GRAMD1B: variants seen among roughly 807,000 people sequenced by gnomAD.
The protein encoded by GRAMD1B is GRAM domain containing 1B, also known as protein Aster-B.
Under a neutral mutation model 99.7 loss-of-function variants are expected in GRAMD1B, and 37 were observed. The observed-to-expected ratio is 0.37, with a 90% CI of 0.29 to 0.49. The LOEUF (loss-of-function observed/expected upper bound fraction) is 0.49. GRAMD1B is among the 20% of genes least tolerant of loss of function. The probability of loss-of-function intolerance (pLI) is 0.98; values close to 1 mark genes in which losing one functional copy is unlikely to be tolerated. For missense variants in GRAMD1B, 888 were observed against 1,009.2 expected (o/e 0.88, Z 1.63); for synonymous variants, 427 against 387.6 (o/e 1.10, Z -1.19).
chr11:123,548,325 TACACACACACACACACACAC>T (rs138083511), intron 2 of GRAMD1B, among the ~76,000 whole-genome samples: 10 of 86,894 alleles, frequency 1.2e-4, no homozygotes, highest in Non-Finnish European at 1.9e-4. Context: ...TATATATATA[TACACACACACACACACACAC>T]ACACATATAT....
rs368408422 is a variant in GRAMD1B, at chr11:123,461,931, GT to G, written c.375-18873del. On this transcript the variant is annotated intron_variant, in intron 1 of 19. Coordinates refer to ENST00000635736, the MANE Select transcript of GRAMD1B (RefSeq NM_001387025.1). ...AAGATAGCTCTACTTTCAAGTGCAG[GT>G]TTTTTTTTTTTCTGGTATGGTCATT... is the stretch of plus-strand genomic sequence containing the variant. Among the ~76,000 whole-genome samples, 510 of 135,822 alleles carry G rather than the reference GT, an allele frequency of 3.8e-3. 2 individuals carry two copies. Among genetic ancestry groups the G allele is most frequent in the Middle Eastern group, 0.026 (6 of 232 alleles). 89.1% of individuals were successfully genotyped at this position (135,822 alleles called of 152,430 possible).
At chr11:123,583,594 C>G (rs560355421) in intron 3 of GRAMD1B, among the ~76,000 whole-genome samples, 5 of 152,272 alleles carry the variant, frequency 3.3e-5, no homozygotes, top group Admixed American at 3.3e-4. Context: ...CCTCCTGTTC[C>G]CCTGAGACAC....
At chr11:123,463,860 C>G (rs1950545843) in intron 1 of GRAMD1B, among the ~76,000 whole-genome samples, 1 of 152,202 alleles carries the variant, frequency 6.6e-6, no homozygotes, top group South Asian at 2.1e-4. Context: ...GAAAGGAAAA[C>G]TGTGTAAAGG....
Position 123,492,895 on chromosome 11 carries a change from C to CACACACACAT in GRAMD1B, c.452+12002_452+12003insACACACACAT, listed in dbSNP as rs1555043308. Among the ~76,000 whole-genome samples the CACACACACAT allele has an allele frequency of 1.2e-3, 183 of 151,710 alleles. No homozygotes were observed. Among genetic ancestry groups the CACACACACAT allele is most frequent in the Middle Eastern group, 3.4e-3 (1 of 294 alleles). On this transcript the variant is annotated intron_variant, in intron 2 of 19. Transcript: ENST00000635736. This position sits in a 1 kb window ranked among gnomAD's most constrained non-coding sequence, Gnocchi z 4.2. The stretch of plus-strand genomic sequence containing the variant: ...ACACACACACACACACACACACACA[C>CACACACACAT]GCATAGGCATAGATGCCTGTGATTG...
intron 1 of GRAMD1B, among the ~76,000 whole-genome samples, chr11:123,436,756 AT>A (rs908404105): frequency 1.4e-4 from 22 of 151,876 alleles, no homozygotes; most frequent in African/African-American, 2.2e-4. Context: ...AGACGGCACA[AT>A]TTTTTTTTAT....
chr11:123,531,914 T>C (rs1023437015), intron 2 of GRAMD1B, among the ~76,000 whole-genome samples: 2 of 152,080 alleles, frequency 1.3e-5, no homozygotes, highest in Non-Finnish European at 2.9e-5. Flanking sequence ...TTTGTATTTT[T>C]TTAGTAGAGA....
intron 1 of GRAMD1B, among the ~76,000 whole-genome samples, chr11:123,444,180 CA>C (rs752537999): frequency 6.6e-6 from 1 of 152,128 alleles, no homozygotes; most frequent in Non-Finnish European, 1.5e-5. Flanking sequence ...ATTTTCCCCA[CA>C]AAAGATGGCT....
In GRAMD1B at chr11:123,539,627, A is replaced by G. The variant is rs557729899; in HGVS notation, c.453-37740A>G. On this transcript the variant is annotated intron_variant, in intron 2 of 19. Coordinates refer to ENST00000635736, the MANE Select transcript of GRAMD1B (RefSeq NM_001387025.1). The stretch of plus-strand genomic sequence containing the variant: ...AAACAAACAAACAAACAAAACCCAA[A>G]CCCTGAATTTGATTCCCATTACTTA... 5.3e-5 allele frequency among the ~76,000 whole-genome samples: 8 copies of G among 152,072 alleles called. No homozygotes were observed. In the South Asian group the frequency reaches 1.5e-3, roughly 28 times the overall value.
At position 123,608,806 on chromosome 11, in the gene GRAMD1B, C is replaced by A. The variant is rs2306971; in HGVS notation, c.1657+4C>A. The A allele has an allele frequency of 6.5e-7, 1 of 1,533,888 alleles. No individual in the cohort carries two copies. Among genetic ancestry groups the A allele is most frequent in the Non-Finnish European group, 8.8e-7 (1 of 1,133,474 alleles). On this transcript the variant is annotated splice_donor_region_variant and intron_variant, in intron 12 of 19. Transcript: ENST00000635736. The stretch of plus-strand genomic sequence containing the variant: ...ATGGAGCAGCGGCGCTTCTCTGGTC[C>A]GTTCTGCTGGGACTGTACCCCCCAT...
intron 2 of GRAMD1B, among the ~76,000 whole-genome samples, chr11:123,483,497 C>T (rs1951726532): frequency 6.6e-6 from 1 of 151,392 alleles, no homozygotes; most frequent in African/African-American, 2.4e-5. Flanking sequence ...AGTGATTTTC[C>T]CACCTTAGCC....
intron 1 of GRAMD1B, among the ~76,000 whole-genome samples, chr11:123,363,701 G>A (rs1450892920): frequency 6.6e-6 from 1 of 152,152 alleles, no homozygotes; most frequent in Non-Finnish European, 1.5e-5. Context: ...GCCCTGAGTG[G>A]AAGCCTTGCT....
chr11:123,409,641 A>G (rs1947972741), intron 1 of GRAMD1B, among the ~76,000 whole-genome samples: 1 of 152,150 alleles, frequency 6.6e-6, no homozygotes, highest in South Asian at 2.1e-4. Context: ...AGCACAGCCT[A>G]ATTACCTGTA....
At chr11:123,388,129 CA>C (rs34085785) in intron 1 of GRAMD1B, among the ~76,000 whole-genome samples, 13,530 of 71,394 alleles carry the variant, frequency 0.19, 648 homozygotes, top group African/African-American at 0.33. Flanking sequence ...TCCTCCTCCT[CA>C]AAAAAAAAAA....
chr11:123,444,973 A>G lies in GRAMD1B; in HGVS notation c.374+13807A>G, dbSNP rs569909694. On this transcript the variant is annotated intron_variant, in intron 1 of 19. Transcript: ENST00000635736. ...CTGTATCCTAAGTCATTTTCTTAGC[A>G]TAAACTCAGGTATTATCTATGGGGC... Among the ~76,000 whole-genome samples, 20 of 152,298 alleles carry G rather than the reference A, an allele frequency of 1.3e-4. 1 individual carries two copies. In the South Asian group the frequency reaches 4.1e-3, roughly 32 times the overall value.
rs1192898619 is a variant in GRAMD1B at position 123,587,952 on chromosome 11, G to A, written c.684+3620G>A. 1.3e-5 allele frequency among the ~76,000 whole-genome samples: 2 copies of A among 151,856 alleles called. No individual in the cohort carries two copies. The highest frequency in any genetic ancestry group is 6.6e-5 in the Admixed American group (1 of 15,254). ...CTCTCTATTTACTCCCAACTTGAAGGGTCTTCCTGCCTCCCTTCCTGAGTT... is the reference window on the plus strand; with the variant it reads ...CTCTCTATTTACTCCCAACTTGAAGAGTCTTCCTGCCTCCCTTCCTGAGTT... On this transcript the variant is annotated intron_variant, in intron 4 of 19. Transcript: ENST00000635736. The surrounding 1 kb of genome is among the most constrained non-coding windows in gnomAD (Gnocchi z 4.2).
rs1003273728 is a variant in GRAMD1B, at chr11:123,510,262, T to G, written c.452+29369T>G. On this transcript the variant is annotated intron_variant, in intron 2 of 19. Coordinates refer to ENST00000635736, the MANE Select transcript of GRAMD1B (RefSeq NM_001387025.1). This position sits in a 1 kb window ranked among gnomAD's most constrained non-coding sequence, Gnocchi z 4.3. ...TGCTCATTACCTGCCAGCTGGCCTC[T>G]TCCCACATGCCCCCCTCATCCTGAC... Among the ~76,000 whole-genome samples the G allele has an allele frequency of 6.6e-6, 1 of 152,276 alleles. No homozygotes were observed. Among genetic ancestry groups the G allele is most frequent in the African/African-American group, 2.4e-5 (1 of 41,566 alleles).
At chr11:123,384,597 C>G (rs1371659865) in intron 1 of GRAMD1B, among the ~76,000 whole-genome samples, 1 of 152,160 alleles carries the variant, frequency 6.6e-6, no homozygotes, top group Non-Finnish European at 1.5e-5. Flanking sequence ...GGGGTTTTAT[C>G]TGTTCTGTTT....
chr11:123,528,685 A>G (rs926395480), intron 2 of GRAMD1B, among the ~76,000 whole-genome samples: 5 of 150,342 alleles, frequency 3.3e-5, no homozygotes, highest in Admixed American at 1.3e-4. Context: ...CGTGCTAGAC[A>G]CCGGCTTTTT....
chr11:123,380,666 C>T (rs903467707), intron 1 of GRAMD1B, among the ~76,000 whole-genome samples: 9 of 152,292 alleles, frequency 5.9e-5, no homozygotes, highest in East Asian at 1.9e-4. Flanking sequence ...CGTTTCAACA[C>T]GGCCAGCAGC....
Sources: gnomAD v4.1 joint callset for allele counts (sites outside exome capture counted in the v4.1 genomes callset) on GRCh38, gnomAD v4.1.1 for gene constraint, Gnocchi (gnomAD v3.1) non-coding constraint, MANE v1.5 for transcripts, NCBI Gene and HGNC (gene_info 2026-07-23, HGNC 2026-07-21) for gene names.